Variants in NSD1 observed in about 807,000 individuals in gnomAD.
The protein encoded by NSD1 is histone-lysine N-methyltransferase, H3 lysine-36 specific.
In NSD1, 26 loss-of-function variants were observed where a neutral mutation model predicts 242.7. The observed-to-expected ratio is 0.11, with a 90% CI of 0.08 to 0.15. The LOEUF is 0.15. Among genes scored for constraint, NSD1 ranks in the 10% least tolerant of loss-of-function variants. The pLI, the probability that NSD1 is intolerant of heterozygous loss-of-function variation, is 1.00. For synonymous variants in NSD1, 1,106 were observed against 1,178.1 expected (o/e 0.94, Z 1.25); for missense variants, 2,495 against 3,272.8 (o/e 0.76, Z 5.80).
At chr5:177,151,616 CA>C (rs2149777494) in intron 2 of NSD1, among the ~76,000 whole-genome samples, 1 of 151,758 alleles carries the variant, frequency 6.6e-6, no homozygotes, top group South Asian at 2.1e-4. Context: ...CTCGGACTCC[CA>C]ACCTCTGGTG....
intron 8 of NSD1, among the ~76,000 whole-genome samples, chr5:177,241,225 G>A (rs1235499065): frequency 5.9e-5 from 9 of 151,882 alleles, no homozygotes; most frequent in Non-Finnish European, 1.2e-4. Flanking sequence ...GGCTGGGTGC[G>A]GTGGCTCACA....
intron 5 of NSD1, chr5:177,229,766 TG>T: frequency 2.4e-6 from 1 of 410,494 alleles, no homozygotes; most frequent in Non-Finnish European, 4.8e-6. Context: ...TTTTTTGAGG[TG>T]GAGTCTTGCT....
In NSD1 at chr5:177,294,693, T is replaced by C. The variant is rs777257900; in HGVS notation, c.7325T>C (p.Val2442Ala). The C allele has an allele frequency of 6.2e-7, 1 of 1,614,240 alleles. No individual in the cohort carries two copies. The highest frequency in any genetic ancestry group is 1.7e-5 in the Admixed American group (1 of 60,022). ...LVAKEKALRP[V>A]DQNTQSKNRA... is the part of the protein sequence containing the mutation. Reference sequence around the variant, plus strand: ...GCTAAAGAAAAAGCACTGAGGCCTGTGGACCAGAATACTCAGTCAAAAAAT... The same window carrying C: ...GCTAAAGAAAAAGCACTGAGGCCTGCGGACCAGAATACTCAGTCAAAAAAT... Residue 2442 changes from valine to alanine, a missense_variant, in exon 23 of 23, where the codon GTG becomes GCG. Around this residue, in one of 19 missense-constraint regions of NSD1, gnomAD observed 475 missense variants for 563.7 expected, o/e 0.84. Coordinates refer to ENST00000439151, the MANE Select transcript of NSD1 (RefSeq NM_022455.5).
At chr5:177,253,632 A>G (rs1581448324) in intron 12 of NSD1, among the ~76,000 whole-genome samples, 1 of 142,920 alleles carries the variant, frequency 7.0e-6, no homozygotes, top group Admixed American at 7.1e-5. Flanking sequence ...TCCCCCTCCC[A>G]TTTTTCTTTT....
upstream of NSD1, among the ~76,000 whole-genome samples, chr5:177,132,250 G>C (rs991433770): frequency 2.6e-5 from 4 of 151,834 alleles, no homozygotes; most frequent in African/African-American, 9.7e-5. This position sits in a 1 kb window ranked among gnomAD's most constrained non-coding sequence, Gnocchi z 7.5. Context: ...GCACTCCCCG[G>C]GGAACCGGGC....
Position 177,238,747 on chromosome 5 carries a change from G to C in NSD1, c.4192+240G>C, listed in dbSNP as rs1437597264. 6.6e-6 allele frequency among the ~76,000 whole-genome samples: 1 copy of C among 152,172 alleles called. No individual in the cohort carries two copies. Among genetic ancestry groups the C allele is most frequent in the African/African-American group, 2.4e-5 (1 of 41,442 alleles). On this transcript the variant is annotated intron_variant, in intron 7 of 22. Coordinates refer to ENST00000439151, the MANE Select transcript of NSD1 (RefSeq NM_022455.5). This position sits in a 1 kb window ranked among gnomAD's most constrained non-coding sequence, Gnocchi z 4.6. ...TCCTTGCTCCAGTGTTGCTCTTCAT[G>C]ATTGTTGATCAGCCACTGTGTAAAT...
intron 2 of NSD1, among the ~76,000 whole-genome samples, chr5:177,148,528 G>A (rs1215614929): frequency 1.3e-5 from 2 of 152,092 alleles, no homozygotes; most frequent in Non-Finnish European, 2.9e-5. Context: ...GGATTCAAGC[G>A]ATTATCCCGC....
rs1763346914 is a variant in NSD1 at position 177,211,588 on chromosome 5, T to C, written c.3189T>C (p.Thr1063=). ...AACTGAATCAGCTTCCAAGTGTGAC[T>C]CTTGATGCTGTACTGCAGGGAGACC... ...KRKLNQLPSV[T]LDAVLQGDRE... Residue 1063 remains threonine (T), a synonymous_variant, in exon 5 of 23, where the codon ACT becomes ACC. Coordinates refer to ENST00000439151, the MANE Select transcript of NSD1 (RefSeq NM_022455.5). 13 of 1,614,038 alleles carry C rather than the reference T, an allele frequency of 8.1e-6. No individual in the cohort carries two copies. The highest frequency in any genetic ancestry group is 1.1e-5 in the Non-Finnish European group (13 of 1,180,026).
intron 4 of NSD1, among the ~76,000 whole-genome samples, chr5:177,204,947 G>A (rs944588284): frequency 2.0e-5 from 3 of 152,094 alleles, no homozygotes; most frequent in Admixed American, 1.3e-4. Flanking sequence ...TTTTATGCAT[G>A]ATGAAAGTAT....
In NSD1 at chr5:177,210,344, C is replaced by T. The variant is rs2149844155; in HGVS notation, c.1945C>T (p.Leu649=). 1 of 1,614,114 alleles carries T rather than the reference C, an allele frequency of 6.2e-7. No individual in the cohort carries two copies. Among genetic ancestry groups the T allele is most frequent in the East Asian group, 2.2e-5 (1 of 44,888 alleles). Reference sequence around the variant, plus strand: ...CACTTCTGATGATGGAAGCAGTGACCTGGATCCCATAGAACACAGCTCAGA... The same window carrying T: ...CACTTCTGATGATGGAAGCAGTGACTTGGATCCCATAGAACACAGCTCAGA... ...CTTSDDGSSD[L]DPIEHSSESD... The change falls in exon 5 of 23, where the codon CTG becomes TTG. Residue 649 remains leucine, a synonymous_variant. Transcript: ENST00000439151.
At chr5:177,293,717 C>T in intron 22 of NSD1, 115 bp from the exon 23 acceptor site, 1 of 1,146,952 alleles carries the variant, frequency 8.7e-7, no homozygotes, top group Non-Finnish European at 1.3e-6. Flanking sequence ...CTCTCTGAAG[C>T]AGGGACAGTG....
At chr5:177,194,215 C>G (rs1761919541) in intron 3 of NSD1, among the ~76,000 whole-genome samples, 1 of 151,934 alleles carries the variant, frequency 6.6e-6, no homozygotes, top group South Asian at 2.1e-4. Flanking sequence ...TTGCAGCTTG[C>G]CTTTTCCACT....
intron 5 of NSD1, among the ~76,000 whole-genome samples, chr5:177,225,675 A>T (rs951121940): frequency 6.6e-6 from 1 of 152,328 alleles, no homozygotes; most frequent in South Asian, 2.1e-4. Flanking sequence ...ATTAATGTAC[A>T]TGTGAATATT....
At chr5:177,180,444 G>A (rs898543970) in intron 2 of NSD1, among the ~76,000 whole-genome samples, 3 of 151,716 alleles carry the variant, frequency 2.0e-5, no homozygotes, top group Non-Finnish European at 4.4e-5. Context: ...TTGGTATCTC[G>A]AGGGTCTTGC....
intron 2 of NSD1, among the ~76,000 whole-genome samples, chr5:177,159,128 C>T (rs1044177074): frequency 4.0e-5 from 6 of 148,774 alleles, no homozygotes; most frequent in African/African-American, 7.6e-5. Flanking sequence ...TGGCAGCCTC[C>T]GCCTCCGGGG....
chr5:177,210,240 T>C lies in NSD1; in HGVS notation c.1841T>C (p.Val614Ala). ...REKNKPQRSL[V>A]CGSKVKLCYI... ...AAGAATAAACCCCAACGAAGCCTGG[T>C]GTGTGGTTCAAAAGTGAAGCTCTGC... Residue 614 changes from valine (V) to alanine (A), a missense_variant, in exon 5 of 23, where the codon GTG becomes GCG. Transcript: ENST00000439151. 1 of 1,597,820 alleles carries C rather than the reference T, an allele frequency of 6.3e-7. No homozygotes were observed. The highest frequency in any genetic ancestry group is 8.5e-7 in the Non-Finnish European group (1 of 1,172,284).
At chr5:177,205,669 A>G (rs1404533729) in intron 4 of NSD1, among the ~76,000 whole-genome samples, 6 of 152,106 alleles carry the variant, frequency 3.9e-5, no homozygotes, top group Non-Finnish European at 7.4e-5. Flanking sequence ...TACCTGTTAA[A>G]CAGTAATTCC....
intron 2 of NSD1, among the ~76,000 whole-genome samples, chr5:177,160,838 T>C (rs1420836875): frequency 6.6e-6 from 1 of 152,006 alleles, no homozygotes; most frequent in East Asian, 1.9e-4. Context: ...TCTAGGATTA[T>C]AAGGACTGCA....
At chr5:177,199,857 A>C (rs1762382971) in intron 3 of NSD1, among the ~76,000 whole-genome samples, 1 of 150,646 alleles carries the variant, frequency 6.6e-6, no homozygotes, top group Non-Finnish European at 1.5e-5. Flanking sequence ...GGCCTCCCAA[A>C]GTGCTGGGAT....
Sources: allele counts gnomAD v4.1 joint callset (sites outside exome capture counted in the v4.1 genomes callset), GRCh38; gene constraint gnomAD v4.1.1; regional missense constraint gnomAD v4.1.1; non-coding constraint Gnocchi (gnomAD v3.1); transcripts MANE v1.5; gene names NCBI Gene and HGNC (gene_info 2026-07-23, HGNC 2026-07-21).